Variants in CSNK1G2 observed in about 807,000 individuals in gnomAD.
CSNK1G2 encodes the protein casein kinase I isoform gamma-2.
CSNK1G2 carries 11 observed loss-of-function variants against 48.0 expected under a neutral mutation model. The ratio of observed to expected loss-of-function variants is 0.23; its 90% CI spans 0.14 to 0.38. The LOEUF (loss-of-function observed/expected upper bound fraction) is 0.38. CSNK1G2 is among the 10% of genes least tolerant of loss of function. CSNK1G2 has a pLI of 1.00. For synonymous variants in CSNK1G2, 337 were observed against 254.1 expected, an observed-to-expected ratio of 1.33 and a Z score of -3.10; for missense variants, 446 against 595.5, an observed-to-expected ratio of 0.75 and a Z score of 2.61.
At chr19:1,960,613 C>T (rs968495189) in intron 1 of CSNK1G2, among the ~76,000 whole-genome samples, 1 of 152,158 alleles carries the variant, frequency 6.6e-6, no homozygotes, top group African/African-American at 2.4e-5. Flanking sequence ...GTAGTCAGGG[C>T]GTGGTGGTTG....
chr19:1,965,361 C>G (rs560370709), intron 1 of CSNK1G2, among the ~76,000 whole-genome samples: 1 of 140,620 alleles, frequency 7.1e-6, no homozygotes. Flanking sequence ...CCAGCCTGGG[C>G]GACAGAGCGA....
At chr19:1,948,319 C>T (rs998358003) in intron 1 of CSNK1G2, among the ~76,000 whole-genome samples, 11 of 151,856 alleles carry the variant, frequency 7.2e-5, no homozygotes, top group Admixed American at 5.2e-4. Context: ...GTCAGGAGAT[C>T]GAGACCATCC....
rs553388475 is a variant in CSNK1G2, at chr19:1,961,964, C to T, written c.-265-7544C>T. Among the ~76,000 whole-genome samples the T allele has an allele frequency of 1.7e-4, 26 of 152,320 alleles. No individual in the cohort carries two copies. The East Asian group carries it at 4.8e-3, about 28-fold the overall frequency. ...GTCCAGCATCAACACAGCACTGCAT[C>T]CCTGACCCAGTGCAGTGGAGAAAAC... On this transcript the variant is annotated intron_variant, in intron 1 of 11. Transcript: ENST00000255641.
intron 1 of CSNK1G2, among the ~76,000 whole-genome samples, chr19:1,951,381 C>T (rs1401507170): frequency 1.4e-5 from 2 of 143,072 alleles, no homozygotes; most frequent in Non-Finnish European, 3.0e-5. Context: ...CCAGCCTGGG[C>T]GACAGAGTGA....
chr19:1,953,682 A>T (rs979707378), intron 1 of CSNK1G2, among the ~76,000 whole-genome samples: 1 of 150,628 alleles, frequency 6.6e-6, no homozygotes, highest in South Asian at 2.1e-4. Flanking sequence ...GGCGAGGCTG[A>T]CCTGTGGGAC....
chr19:1,957,061 T>C lies in CSNK1G2; in HGVS notation c.-265-12447T>C, dbSNP rs2015024048. On this transcript the variant is annotated intron_variant, in intron 1 of 11. Coordinates refer to ENST00000255641, the MANE Select transcript of CSNK1G2 (RefSeq NM_001319.7). This position sits in a 1 kb window ranked among gnomAD's most constrained non-coding sequence, Gnocchi z 5.4. ...CCCTTCGACGGTCGTGCCCTGATGC[T>C]GCGTGGCTTAAACGGTGCCACCCGG... 6.6e-6 allele frequency among the ~76,000 whole-genome samples: 1 copy of C among 152,118 alleles called. No homozygotes were observed. Among genetic ancestry groups the C allele is most frequent in the Non-Finnish European group, 1.5e-5 (1 of 68,014 alleles).
chr19:1,966,884 T>C (rs1219550790), intron 1 of CSNK1G2, among the ~76,000 whole-genome samples: 1 of 152,168 alleles, frequency 6.6e-6, no homozygotes, highest in African/African-American at 2.4e-5. Context: ...CTTTATTATT[T>C]ATTTAAGATG....
At chr19:1,969,357 G>A (rs1248814488) in intron 1 of CSNK1G2, among the ~76,000 whole-genome samples, 151 bp from the exon 2 acceptor site, 5 of 151,900 alleles carry the variant, frequency 3.3e-5, no homozygotes, top group South Asian at 4.2e-4. Flanking sequence ...GCTGGGTTCC[G>A]GGCAGGGACG....
rs540223138 is a variant in CSNK1G2, at chr19:1,981,050, C to T, written c.*847C>T. 1 of 152,266 alleles carries T rather than the reference C, an allele frequency of 6.6e-6. No individual in the cohort carries two copies. The highest frequency in any genetic ancestry group is 1.5e-5 in the Non-Finnish European group (1 of 68,100). The allele number at this position is 152,266 out of a possible 1,614,324, so 9.4% of individuals were successfully genotyped here. On this transcript the variant is annotated 3_prime_UTR_variant, in exon 12 of 12. Transcript: ENST00000255641. ...AGCTTCCTGCCTCTCTGCTCCGACA[C>T]CCGGCAAGCAGCCGGAGACAAAACG... is the stretch of plus-strand genomic sequence containing the variant.
chr19:1,954,760 G>A (rs991506816), intron 1 of CSNK1G2: 8 of 152,372 alleles, frequency 5.3e-5, no homozygotes, highest in African/African-American at 1.2e-4. Context: ...GGGAGCTGAC[G>A]GGGAGAGAGC....
intron 1 of CSNK1G2, among the ~76,000 whole-genome samples, chr19:1,964,609 C>A (rs116760985): frequency 2.8e-4 from 43 of 152,326 alleles, no homozygotes; most frequent in African/African-American, 9.9e-4. Context: ...GCTAAATCTA[C>A]TCTGTGCTCT....
intron 2 of CSNK1G2, among the ~76,000 whole-genome samples, chr19:1,971,263 C>T (rs771433173): frequency 5.9e-5 from 9 of 152,196 alleles, no homozygotes; most frequent in Non-Finnish European, 1.0e-4. Flanking sequence ...CCCAGGAGGC[C>T]GGGGTTTGAG....
chr19:1,979,005 C>G lies in CSNK1G2; in HGVS notation c.594C>G (p.Pro198=). The change falls in exon 6 of 12, where the codon CCC becomes CCG. Residue 198 remains proline, a synonymous_variant. Transcript: ENST00000255641. The part of the protein sequence containing the change: ...DFGLAKEYID[P]ETKKHIPYRE... ...GGCTGGCCAAGGAGTACATCGACCCCGAGACCAAGAAGCACATCCCGTACC... is the reference window on the plus strand; with the variant it reads ...GGCTGGCCAAGGAGTACATCGACCCGGAGACCAAGAAGCACATCCCGTACC... The G allele has an allele frequency of 6.3e-7, 1 of 1,598,674 alleles. No homozygotes were observed. The highest frequency in any genetic ancestry group is 8.5e-7 in the Non-Finnish European group (1 of 1,179,600).
intron 1 of CSNK1G2, chr19:1,954,262 G>C (rs763325807): frequency 2.8e-5 from 8 of 289,752 alleles, no homozygotes; most frequent in Non-Finnish European, 5.0e-5. Context: ...CCGCTCTGCT[G>C]TGGCCCTGGC....
intron 1 of CSNK1G2, among the ~76,000 whole-genome samples, chr19:1,965,852 A>C (rs2015349309): frequency 6.6e-6 from 1 of 152,056 alleles, no homozygotes; most frequent in African/African-American, 2.4e-5. Context: ...GCTGCAGTGG[A>C]GAAGCAGAAT....
intron 2 of CSNK1G2, chr19:1,976,044 A>T (rs1468881754): frequency 7.8e-7 from 1 of 1,288,996 alleles, no homozygotes; most frequent in East Asian, 5.6e-5. Context: ...CAAAAAGAAA[A>T]AAACTTTGAA....
intron 1 of CSNK1G2, among the ~76,000 whole-genome samples, chr19:1,958,392 C>T (rs2015070685): frequency 6.6e-6 from 1 of 151,906 alleles, no homozygotes; most frequent in Non-Finnish European, 1.5e-5. Flanking sequence ...AGGAGAGCTG[C>T]CCGGCTCCTG....
At position 1,969,845 on chromosome 19, in the gene CSNK1G2, C is replaced by T. The variant is rs893822808; in HGVS notation, c.73C>T (p.Arg25Trp). Residue 25 changes from arginine to tryptophan, a missense_variant, in exon 2 of 12, where the codon CGG becomes TGG. Physicochemically the swap from Arg to Trp is moderately radical, Grantham distance 101. Coordinates refer to ENST00000255641, the MANE Select transcript of CSNK1G2 (RefSeq NM_001319.7). ...GRRMSKAGGG[R>W]SSHGIRSSGT... ...GAGAATGTCCAAGGCCGGCGGGGGCCGGAGCAGCCACGGCATCCGGAGCTC... is the reference window on the plus strand; with the variant it reads ...GAGAATGTCCAAGGCCGGCGGGGGCTGGAGCAGCCACGGCATCCGGAGCTC... 2 of 1,311,028 alleles carry T rather than the reference C, an allele frequency of 1.5e-6. No homozygotes were observed. The highest frequency in any genetic ancestry group is 1.5e-5 in the African/African-American group (1 of 66,474). 81.2% of individuals were successfully genotyped at this position (1,311,028 alleles called of 1,614,324 possible).
rs1464167226 is a variant in CSNK1G2, at chr19:1,979,209, G to A, written c.729G>A (p.Met243Ile). Residue 243 changes from methionine (M) to isoleucine (I), a missense_variant, in exon 7 of 12, where the codon ATG becomes ATA. This residue lies in a region of CSNK1G2 where 258 missense variants were observed against 415.9 expected (regional missense o/e 0.62). Transcript: ENST00000255641. The stretch of plus-strand genomic sequence containing the variant: ...TGGAGGCGCTGGGCCACATGTTCAT[G>A]TACTTCCTGCGCGGCAGCCTCCCCT... ...DDLEALGHMF[M>I]YFLRGSLPWQ... 5.2e-6 allele frequency: 8 copies of A among 1,547,204 alleles called. No homozygotes were observed. Among genetic ancestry groups the A allele is most frequent in the Admixed American group, 2.0e-5 (1 of 50,566 alleles).
Sources: allele counts gnomAD v4.1 joint callset (sites outside exome capture counted in the v4.1 genomes callset), GRCh38; gene constraint gnomAD v4.1.1; regional missense constraint gnomAD v4.1.1; non-coding constraint Gnocchi (gnomAD v3.1); transcripts MANE v1.5; gene names NCBI Gene and HGNC (gene_info 2026-07-23, HGNC 2026-07-21).